ATN1: variants seen among roughly 807,000 people sequenced by gnomAD.
ATN1 encodes the protein atrophin-1.
In ATN1, 19 loss-of-function variants were observed where a neutral mutation model predicts 85.8. That is an observed-to-expected ratio of 0.22 (90% CI 0.15 to 0.32). ATN1 has a LOEUF of 0.32. ATN1 is among the 10% of genes least tolerant of loss of function. The pLI is 1.00. For synonymous variants in ATN1, 674 were observed against 657.0 expected, an observed-to-expected ratio of 1.03 and a Z score of -0.39; for missense variants, 1,453 against 1,564.5, an observed-to-expected ratio of 0.93 and a Z score of 1.20.
intron 7 of ATN1, among the ~76,000 whole-genome samples, chr12:6,940,190 C>G (rs932115047): frequency 3.3e-5 from 5 of 152,154 alleles, no homozygotes; most frequent in Non-Finnish European, 7.3e-5. Context: ...CGGGGTTTCA[C>G]CATGTTGGCC....
At chr12:6,925,909 C>T (rs1434489329), upstream of ATN1, among the ~76,000 whole-genome samples, 3 of 152,216 alleles carry the variant, frequency 2.0e-5, no homozygotes, top group Admixed American at 1.3e-4. Flanking sequence ...GCTCCTAATC[C>T]ACACTCCAGC....
intron 6 of ATN1, 36 bp downstream of exon 6, chr12:6,938,103 C>T (rs1416461992): frequency 9.2e-6 from 14 of 1,520,654 alleles, no homozygotes; most frequent in Middle Eastern, 2.3e-4. Flanking sequence ...CGCCTTCTTT[C>T]CCTCTTTCCT....
At chr12:6,926,238 G>C (rs1945397573), upstream of ATN1, among the ~76,000 whole-genome samples, 1 of 152,096 alleles carries the variant, frequency 6.6e-6, no homozygotes, top group African/African-American at 2.4e-5. Flanking sequence ...CAGGGATTTG[G>C]GTCCACATTA....
At position 6,937,003 on chromosome 12, in the gene ATN1, C is replaced by A. The variant is rs782316523; in HGVS notation, c.1736C>A (p.Ser579Tyr). ...TCTTCCAACTCTTCCTCTTCCACTT[C>A]TCAAGGGTCCTACCCATGTTCACAC... is the stretch of plus-strand genomic sequence containing the variant. ...SSSSNSSSST[S>Y]QGSYPCSHPS... is the part of the protein sequence containing the mutation. Residue 579 changes from serine (S) to tyrosine (Y), a missense_variant, in exon 5 of 10, where the codon TCT becomes TAT. This residue lies in a region of ATN1 where 990 missense variants were observed against 914.8 expected (regional missense o/e 1.08). Coordinates refer to ENST00000396684, the MANE Select transcript of ATN1 (RefSeq NM_001940.4). This position sits in a 1 kb window ranked among gnomAD's most constrained non-coding sequence, Gnocchi z 6.0. 4.3e-6 allele frequency: 7 copies of A among 1,613,602 alleles called. No individual in the cohort carries two copies. The African/African-American group carries it at 9.3e-5, about 22-fold the overall frequency.
At position 6,936,588 on chromosome 12, in the gene ATN1, G is replaced by C; in HGVS notation, c.1321G>C (p.Gly441Arg). The C allele has an allele frequency of 6.2e-7, 1 of 1,610,570 alleles. No individual in the cohort carries two copies. The highest frequency in any genetic ancestry group is 1.1e-5 in the South Asian group (1 of 90,906). Residue 441 changes from glycine to arginine, a missense_variant, in exon 5 of 10, where the codon GGT (glycine) becomes CGT (arginine). Coordinates refer to ENST00000396684, the MANE Select transcript of ATN1 (RefSeq NM_001940.4). ...SLPSQAVWSQ[G>R]PPPPPPYGRL... ...CCCATCCCAGGCTGTGTGGAGCCAGGGTCCCCCACCACCTCCTCCCTATGG... is the reference window on the plus strand; with the variant it reads ...CCCATCCCAGGCTGTGTGGAGCCAGCGTCCCCCACCACCTCCTCCCTATGG...
rs782817036 is a variant in ATN1, at chr12:6,941,437, A to C, written c.3422A>C (p.Gln1141Pro). 6.2e-7 allele frequency: 1 copy of C among 1,611,758 alleles called. No individual in the cohort carries two copies. Among genetic ancestry groups the C allele is most frequent in the South Asian group, 1.1e-5 (1 of 90,962 alleles). ...CCGATGTCAGCAGCTCATCAGCTGC[A>C]GGCCATGCACGCACAGTCAGCTGAG... ...SAPMSAAHQL[Q>P]AMHAQSAELQ... Residue 1141 changes from glutamine (Q) to proline (P), a missense_variant, in exon 9 of 10, where the codon CAG (glutamine) becomes CCG (proline). Physicochemically the swap from Gln to Pro is moderately conservative, Grantham distance 76. Coordinates refer to ENST00000396684, the MANE Select transcript of ATN1 (RefSeq NM_001940.4). The surrounding 1 kb of genome is among the most constrained non-coding windows in gnomAD (Gnocchi z 5.9).
chr12:6,936,781 G>A lies in ATN1; in HGVS notation c.1514G>A (p.Gly505Glu). The change falls in exon 5 of 10, where the codon GGA (glycine) becomes GAA (glutamate). Residue 505 changes from glycine (G) to glutamate (E), a missense_variant. Physicochemically the swap from Gly to Glu is moderately conservative, Grantham distance 98 (BLOSUM62 -2). Transcript: ENST00000396684. Reference protein sequence around the residue: ...QQQQQQQQHHGNSGPPPPGAF... With the variant: ...QQQQQQQQHHENSGPPPPGAF... ...CAGCAGCAGCAGCAGCAGCATCACG[G>A]AAACTCTGGGCCCCCTCCTCCTGGA... is the stretch of plus-strand genomic sequence containing the variant. The A allele has an allele frequency of 6.4e-7, 1 of 1,563,298 alleles. No homozygotes were observed. The highest frequency in any genetic ancestry group is 8.7e-7 in the Non-Finnish European group (1 of 1,151,612).
At chr12:6,926,042 A>G (rs932093621), upstream of ATN1, among the ~76,000 whole-genome samples, 1 of 152,098 alleles carries the variant, frequency 6.6e-6, no homozygotes, top group South Asian at 2.1e-4. Context: ...GAGGGCCAGG[A>G]GGGAGCCCAG....
At chr12:6,938,120 C>T (rs1486229453) in intron 6 of ATN1, 53 bp downstream of exon 6, 48 of 1,498,938 alleles carry the variant, frequency 3.2e-5, no homozygotes, top group Non-Finnish European at 4.0e-5. Context: ...TCCTTCCTTC[C>T]CTCTGCGCTG....
At chr12:6,930,758 G>C (rs1420815409) in intron 1 of ATN1, among the ~76,000 whole-genome samples, 2 of 152,168 alleles carry the variant, frequency 1.3e-5, no homozygotes, top group Non-Finnish European at 1.5e-5. Flanking sequence ...CCGAGATCGC[G>C]GCACGGCACT....
Position 6,932,291 on chromosome 12 carries a change from A to G in ATN1, c.-162-1549A>G, listed in dbSNP as rs782616534. 3.9e-5 allele frequency among the ~76,000 whole-genome samples: 6 copies of G among 152,342 alleles called. No individual in the cohort carries two copies. The South Asian group carries it at 1.0e-3, about 26-fold the overall frequency. ...TTACCTAGCAGGCCTCCAACTCAGA[A>G]TAGAATACATGGGTAAGCTTAGTCT... On this transcript the variant is annotated intron_variant, in intron 1 of 9. Transcript: ENST00000396684.
upstream of ATN1, among the ~76,000 whole-genome samples, chr12:6,925,264 T>C (rs1945388977): frequency 6.6e-6 from 1 of 152,062 alleles, no homozygotes; most frequent in Non-Finnish European, 1.5e-5. Context: ...TATCCCCACA[T>C]ATGCCTAAAT....
At chr12:6,926,112 C>A (rs951751945), upstream of ATN1, among the ~76,000 whole-genome samples, 1 of 152,198 alleles carries the variant, frequency 6.6e-6, no homozygotes, top group African/African-American at 2.4e-5. Flanking sequence ...AGCAGACTGA[C>A]TGCCAGAGGC....
chr12:6,932,666 G>GCTCA (rs1309041295), intron 1 of ATN1, among the ~76,000 whole-genome samples: 1 of 152,194 alleles, frequency 6.6e-6, no homozygotes, highest in Non-Finnish European at 1.5e-5. Flanking sequence ...TGTGTTGTTT[G>GCTCA]CTCACGGATA....
At chr12:6,939,614 A>C (rs1049272357) in intron 7 of ATN1, among the ~76,000 whole-genome samples, 9 of 151,658 alleles carry the variant, frequency 5.9e-5, no homozygotes, top group African/African-American at 2.2e-4. Context: ...TGATCCTCCT[A>C]CCTCAGCCTC....
Position 6,936,233 on chromosome 12 carries a change from C to T in ATN1, c.966C>T (p.Ala322=). 1 of 1,605,178 alleles carries T rather than the reference C, an allele frequency of 6.2e-7. No homozygotes were observed. The highest frequency in any genetic ancestry group is 1.7e-5 in the Admixed American group (1 of 59,438). ...NASASPPGLG[A]QPLPGHLPSP... is the part of the protein sequence containing the mutation. ...CAGCCTCTCCCCCTGGCCTGGGGGC[C>T]CAACCACTACCTGGTCATCTGCCCT... The change falls in exon 5 of 10, where the codon GCC becomes GCT. Residue 322 remains alanine (A), a synonymous_variant. Transcript: ENST00000396684.
chr12:6,940,874 C>G lies in ATN1; in HGVS notation c.3215-6C>G. ...TGGTGACACCTTCCTCTTCTCTGCC[C>G]TCCAGCCTCTGCCTCGGTGCACCCT... On this transcript the variant is annotated splice_region_variant and splice_polypyrimidine_tract_variant and intron_variant, in intron 7 of 9. Coordinates refer to ENST00000396684, the MANE Select transcript of ATN1 (RefSeq NM_001940.4). The G allele has an allele frequency of 1.2e-6, 2 of 1,614,186 alleles. No individual in the cohort carries two copies. Among genetic ancestry groups the G allele is most frequent in the Non-Finnish European group, 1.7e-6 (2 of 1,180,026 alleles).
Position 6,936,226 on chromosome 12 carries a change from TG to T in ATN1, c.964del (p.Ala322ProfsTer50). The T allele has an allele frequency of 6.2e-7, 1 of 1,603,022 alleles. No individual in the cohort carries two copies. Among genetic ancestry groups the T allele is most frequent in the Non-Finnish European group, 8.5e-7 (1 of 1,173,766 alleles). The part of the protein sequence containing the change: ...LNNASASPPG[L>X]GAQPLPGHLP... ...AATGCATCAGCCTCTCCCCCTGGCC[TG>T]GGGGCCCAACCACTACCTGGTCATC... On this transcript the variant is annotated frameshift_variant, in exon 5 of 10. Transcript: ENST00000396684. LOFTEE classifies it high-confidence loss of function.
At position 6,936,271 on chromosome 12, in the gene ATN1, T is replaced by G; in HGVS notation, c.1004T>G (p.Met335Arg). ...LPGHLPSPHA[M>R]GQGMGGLPPG... ...GGTCATCTGCCCTCTCCCCACGCCA[T>G]GGGACAGGGTATGGGTGGACTTCCT... Residue 335 changes from methionine to arginine, a missense_variant, in exon 5 of 10, where the codon ATG (methionine) becomes AGG (arginine). Around this residue, in one of 6 missense-constraint regions of ATN1, gnomAD observed 990 missense variants for 914.8 expected, o/e 1.08. Transcript: ENST00000396684. 6.2e-7 allele frequency: 1 copy of G among 1,612,572 alleles called. No homozygotes were observed. Among genetic ancestry groups the G allele is most frequent in the Non-Finnish European group, 8.5e-7 (1 of 1,178,986 alleles).
Sources: allele counts gnomAD v4.1 joint callset (sites outside exome capture counted in the v4.1 genomes callset), GRCh38; gene constraint gnomAD v4.1.1; regional missense constraint gnomAD v4.1.1; non-coding constraint Gnocchi (gnomAD v3.1); transcripts MANE v1.5; gene names NCBI Gene and HGNC (gene_info 2026-07-23, HGNC 2026-07-21).